SLC4A4: variants seen among roughly 807,000 people sequenced by gnomAD.
The protein encoded by SLC4A4 is electrogenic sodium bicarbonate cotransporter 1.
A neutral mutation model predicts 111.5 loss-of-function variants in SLC4A4; 27 were observed. That is an observed-to-expected ratio of 0.24 (90% confidence interval 0.18 to 0.33). The LOEUF (loss-of-function observed/expected upper bound fraction) is 0.33. Among genes scored for constraint, SLC4A4 ranks in the 10% least tolerant of loss-of-function variants. The pLI is 1.00. For synonymous variants in SLC4A4, 443 were observed against 463.4 expected, an observed-to-expected ratio of 0.96 and a Z score of 0.57; for missense variants, 909 against 1,315.5, an observed-to-expected ratio of 0.69 and a Z score of 4.78.
At chr4:71,173,969 T>C (rs1208607427) in intron 2 of SLC4A4, among the ~76,000 whole-genome samples, 4 of 152,214 alleles carry the variant, frequency 2.6e-5, no homozygotes, top group African/African-American at 7.2e-5. Context: ...GGAATGGCTA[T>C]GTAGGTGTTG....
At chr4:71,158,097 CTGTGTG>C (rs139897656) in intron 2 of SLC4A4, among the ~76,000 whole-genome samples, 12,704 of 136,926 alleles carry the variant, frequency 0.093, 634 homozygotes, top group South Asian at 0.13. Context: ...ATCCTTGACT[CTGTGTG>C]TGTGTGTGTG....
At chr4:71,080,608 T>C (rs1475984204) in intron 1 of SLC4A4, among the ~76,000 whole-genome samples, 2 of 152,100 alleles carry the variant, frequency 1.3e-5, no homozygotes, top group Non-Finnish European at 2.9e-5. Flanking sequence ...TGATTATTTT[T>C]GTCTTTCTTC....
chr4:71,151,051 ATTTAAT>A (rs1333686061), intron 2 of SLC4A4, among the ~76,000 whole-genome samples: 1 of 152,078 alleles, frequency 6.6e-6, no homozygotes, highest in African/African-American at 2.4e-5. Flanking sequence ...GGCTGTTTAT[ATTTAAT>A]TTTAAAGTAA....
chr4:71,341,839 G>GA (rs1282294318), intron 4 of SLC4A4, among the ~76,000 whole-genome samples: 7 of 152,132 alleles, frequency 4.6e-5, no homozygotes, highest in East Asian at 1.9e-4. Flanking sequence ...TAGTCTTGCA[G>GA]AAAAAACTGC....
intron 2 of SLC4A4, among the ~76,000 whole-genome samples, chr4:71,154,250 T>A (rs538778133): frequency 1.7e-4 from 26 of 152,290 alleles, no homozygotes; most frequent in African/African-American, 6.0e-4. Context: ...CTTGGTATTA[T>A]GAAGGTATGG....
intron 3 of SLC4A4, among the ~76,000 whole-genome samples, chr4:71,312,090 A>G (rs1463419804): frequency 6.6e-6 from 1 of 152,206 alleles, no homozygotes; most frequent in East Asian, 1.9e-4. Flanking sequence ...TAAAGGGGAT[A>G]TCACCACTGA....
At chr4:71,156,687 GA>G (rs959579595) in intron 2 of SLC4A4, among the ~76,000 whole-genome samples, 3 of 149,980 alleles carry the variant, frequency 2.0e-5, no homozygotes, top group African/African-American at 7.4e-5. Context: ...GGATGAGGAA[GA>G]AAAAAAAAGA....
intron 4 of SLC4A4, among the ~76,000 whole-genome samples, chr4:71,346,255 A>G (rs1052325065): frequency 6.6e-6 from 1 of 152,118 alleles, no homozygotes; most frequent in African/African-American, 2.4e-5. Context: ...ACCTTGGAAT[A>G]AACTTCACCT....
At chr4:71,115,003 G>T (rs1196498705) in intron 2 of SLC4A4, among the ~76,000 whole-genome samples, 1 of 135,426 alleles carries the variant, frequency 7.4e-6, no homozygotes, top group Non-Finnish European at 1.6e-5. Flanking sequence ...ATACTATGCA[G>T]CCATAAAAAA....
At chr4:71,302,805 G>A (rs1483888670) in intron 3 of SLC4A4, among the ~76,000 whole-genome samples, 2 of 152,150 alleles carry the variant, frequency 1.3e-5, no homozygotes, top group East Asian at 3.8e-4. Context: ...CAATCATATA[G>A]GAAAAGAGGA....
At chr4:71,175,561 C>A (rs1308992497) in intron 2 of SLC4A4, among the ~76,000 whole-genome samples, 2 of 152,210 alleles carry the variant, frequency 1.3e-5, no homozygotes, top group East Asian at 1.9e-4. Flanking sequence ...GGTCCTACGC[C>A]CATGGAGCCT....
chr4:71,444,412 C>T (rs1725041584), intron 8 of SLC4A4, among the ~76,000 whole-genome samples: 1 of 152,116 alleles, frequency 6.6e-6, no homozygotes. Flanking sequence ...AATTGTAACT[C>T]TGACTTATTT....
intron 3 of SLC4A4, among the ~76,000 whole-genome samples, chr4:71,270,141 G>T (rs765943257): frequency 5.9e-5 from 9 of 152,200 alleles, no homozygotes; most frequent in African/African-American, 9.7e-5. Context: ...AGGCAAGAGT[G>T]CAATGGCGCA....
chr4:71,524,754 T>G (rs952082285), intron 16 of SLC4A4, among the ~76,000 whole-genome samples: 8 of 152,092 alleles, frequency 5.3e-5, no homozygotes, highest in Non-Finnish European at 1.2e-4. Context: ...TAGCCATAAT[T>G]GTCTGGCATA....
intron 23 of SLC4A4, among the ~76,000 whole-genome samples, chr4:71,561,691 G>T (rs963746377): frequency 5.3e-5 from 8 of 151,742 alleles, no homozygotes; most frequent in Non-Finnish European, 1.2e-4. Context: ...GACAGAAAAA[G>T]AATGTGTTTA....
intron 20 of SLC4A4, among the ~76,000 whole-genome samples, chr4:71,550,633 C>T (rs1361448706): frequency 6.6e-6 from 1 of 151,724 alleles, no homozygotes; most frequent in African/African-American, 2.4e-5. Context: ...TTTGAAAGGG[C>T]AGATCAAATG....
chr4:71,293,844 C>T (rs1297576838), intron 3 of SLC4A4, among the ~76,000 whole-genome samples: 2 of 152,148 alleles, frequency 1.3e-5, no homozygotes, highest in Admixed American at 1.3e-4. Context: ...TATAACGTAT[C>T]GCTGTCACTC....
chr4:71,552,391 A>G (rs978012329), intron 20 of SLC4A4, among the ~76,000 whole-genome samples: 3 of 151,732 alleles, frequency 2.0e-5, no homozygotes, highest in East Asian at 3.9e-4. Context: ...ACACACACAC[A>G]TACAGTGACG....
intron 14 of SLC4A4, chr4:71,473,445 T>C (rs1410325406): frequency 8.7e-6 from 2 of 228,980 alleles, no homozygotes; most frequent in African/African-American, 2.3e-5. Flanking sequence ...AATTAAATTA[T>C]GAAAAAAAGA....
Sources: allele counts gnomAD v4.1 joint callset (sites outside exome capture counted in the v4.1 genomes callset), GRCh38; gene constraint gnomAD v4.1.1; transcripts MANE v1.5; gene names NCBI Gene and HGNC (gene_info 2026-07-23, HGNC 2026-07-21).